Variants in PRR16 observed in about 807,000 individuals in gnomAD.
The protein encoded by PRR16 is proline rich 16.
A neutral mutation model predicts 18.2 loss-of-function variants in PRR16; 6 were observed. The observed-to-expected ratio is 0.33, with a 90% CI of 0.18 to 0.65. PRR16 has a LOEUF of 0.65. Among genes scored for constraint, PRR16 ranks in the 30% least tolerant of loss-of-function variants. PRR16 has a pLI of 0.74. For synonymous variants in PRR16, 151 were observed against 147.8 expected (o/e 1.02, Z -0.16); for missense variants, 412 against 376.6 (o/e 1.09, Z -0.78).
intron 1 of PRR16, among the ~76,000 whole-genome samples, chr5:120,678,800 C>A (rs899980564): frequency 6.6e-6 from 1 of 152,064 alleles, no homozygotes; most frequent in African/African-American, 2.4e-5. Flanking sequence ...TCTAATTGCT[C>A]TAGCTAGGAC....
intron 1 of PRR16, among the ~76,000 whole-genome samples, chr5:120,573,745 G>A (rs890161063): frequency 6.6e-6 from 1 of 152,124 alleles, no homozygotes; most frequent in African/African-American, 2.4e-5. Context: ...AATGTCTGCA[G>A]CCATGGAGAA....
At chr5:120,629,509 G>A (rs774949474) in intron 1 of PRR16, among the ~76,000 whole-genome samples, 25 of 152,066 alleles carry the variant, frequency 1.6e-4, no homozygotes, top group Non-Finnish European at 2.9e-4. Context: ...ATCTTAGAAT[G>A]TTTTAATTCT....
intron 1 of PRR16, among the ~76,000 whole-genome samples, chr5:120,540,824 C>T (rs980678268): frequency 6.6e-6 from 1 of 151,780 alleles, no homozygotes; most frequent in Non-Finnish European, 1.5e-5. Context: ...TCAACACTCT[C>T]TTTTTGCTCT....
the PRR16 span, among the ~76,000 whole-genome samples, chr5:120,694,633 C>G: frequency 2.0e-5 from 3 of 148,964 alleles, no homozygotes; most frequent in East Asian, 3.9e-4. Context: ...TGCAGTGAGC[C>G]GAGATTGCGC....
chr5:120,754,406 CTATATACTATATATTATATAATATATAG>C, the PRR16 span, among the ~76,000 whole-genome samples: 35 of 38,514 alleles, frequency 9.1e-4, 1 homozygote, highest in Non-Finnish European at 1.1e-3. Flanking sequence ...ATATATTATA[CTATATACTATATATTATATAATATATAG>C]TATATAGTAT....
intron 1 of PRR16, among the ~76,000 whole-genome samples, chr5:120,504,826 C>T (rs1203596795): frequency 6.6e-6 from 1 of 152,082 alleles, no homozygotes; most frequent in Non-Finnish European, 1.5e-5. Context: ...GAGTCGCATA[C>T]CCTGGGATTA....
chr5:120,565,704 G>T (rs1212926114), intron 1 of PRR16, among the ~76,000 whole-genome samples: 3 of 152,136 alleles, frequency 2.0e-5, no homozygotes, highest in Non-Finnish European at 4.4e-5. Flanking sequence ...TGTAAGAAGA[G>T]ATTTTCCTGT....
At chr5:120,739,045 G>A in the PRR16 span, among the ~76,000 whole-genome samples, 1 of 152,108 alleles carries the variant, frequency 6.6e-6, no homozygotes, top group Admixed American at 6.6e-5. Context: ...TATGACTCAT[G>A]TCTTCAGGGA....
chr5:120,486,199 G>A (rs1408584820), intron 1 of PRR16, among the ~76,000 whole-genome samples: 2 of 152,174 alleles, frequency 1.3e-5, no homozygotes, highest in Non-Finnish European at 1.5e-5. Flanking sequence ...GGTAGTTCTA[G>A]TTCTAGATCC....
At chr5:120,614,904 G>T (rs964135090) in intron 1 of PRR16, among the ~76,000 whole-genome samples, 1 of 152,192 alleles carries the variant, frequency 6.6e-6, no homozygotes, top group Non-Finnish European at 1.5e-5. Flanking sequence ...CTCTGCTGCT[G>T]TATTGCCCGG....
At chr5:120,531,729 GAGA>G (rs1441092679) in intron 1 of PRR16, among the ~76,000 whole-genome samples, 6 of 151,978 alleles carry the variant, frequency 3.9e-5, no homozygotes, top group Non-Finnish European at 7.4e-5. Context: ...GCATTTGATA[GAGA>G]AGAACACAAG....
At chr5:120,551,416 C>G (rs894264337) in intron 1 of PRR16, among the ~76,000 whole-genome samples, 12 of 151,870 alleles carry the variant, frequency 7.9e-5, no homozygotes, top group Non-Finnish European at 1.8e-4. Flanking sequence ...GTTGTGAGAC[C>G]GTTAGCCGGT....
chr5:120,665,308 G>A (rs1756330217), intron 1 of PRR16, among the ~76,000 whole-genome samples: 1 of 151,666 alleles, frequency 6.6e-6, no homozygotes, highest in Admixed American at 6.6e-5. Flanking sequence ...GGGGTTGTTT[G>A]TTTTCTTCTT....
chr5:120,754,566 ATATAT>A, the PRR16 span, among the ~76,000 whole-genome samples: 8 of 57,274 alleles, frequency 1.4e-4, no homozygotes, highest in Admixed American at 2.6e-4. Flanking sequence ...ATATTATATA[ATATAT>A]TTATATTTTA....
chr5:120,650,963 A>G (rs1018875983), intron 1 of PRR16, among the ~76,000 whole-genome samples: 2 of 152,002 alleles, frequency 1.3e-5, no homozygotes, highest in African/African-American at 4.8e-5. Context: ...AAGTGTTCCT[A>G]TTTCTCCACA....
At chr5:120,517,312 C>T (rs1276424208) in intron 1 of PRR16, among the ~76,000 whole-genome samples, 1 of 152,104 alleles carries the variant, frequency 6.6e-6, no homozygotes, top group Non-Finnish European at 1.5e-5. Context: ...TAGAACATTA[C>T]ACTTGAAGCA....
At chr5:120,474,459 C>A (rs762923419) in intron 1 of PRR16, among the ~76,000 whole-genome samples, 1 of 152,166 alleles carries the variant, frequency 6.6e-6, no homozygotes, top group Admixed American at 6.6e-5. Flanking sequence ...ACTTTGAGAA[C>A]TACTGCTCTT....
intron 1 of PRR16, among the ~76,000 whole-genome samples, chr5:120,508,117 C>A (rs1326092928): frequency 1.3e-5 from 2 of 152,084 alleles, no homozygotes; most frequent in Admixed American, 6.6e-5. Flanking sequence ...TTAAAGGGAG[C>A]AGACTCAGCT....
intron 1 of PRR16, among the ~76,000 whole-genome samples, chr5:120,576,216 T>TA (rs1753072762): frequency 3.3e-5 from 5 of 152,050 alleles, no homozygotes; most frequent in Admixed American, 2.6e-4. Flanking sequence ...AGTGAAGAGA[T>TA]AAACTATGGA....
Sources: gnomAD v4.1 joint callset for allele counts (sites outside exome capture counted in the v4.1 genomes callset) on GRCh38, gnomAD v4.1.1 for gene constraint, MANE v1.5 for transcripts, NCBI Gene and HGNC (gene_info 2026-07-23, HGNC 2026-07-21) for gene names.